CLN8: variants seen among roughly 807,000 people sequenced by gnomAD.
CLN8 encodes CLN8 transmembrane ER and ERGIC protein, also known as protein CLN8.
Under a neutral mutation model 15.7 loss-of-function variants are expected in CLN8, and 14 were observed. The observed-to-expected ratio is 0.89, with a 90% confidence interval of 0.59 to 1.39. The LOEUF is 1.39. CLN8 is among the 40% of genes most tolerant of loss of function. The pLI is 0.00. For missense variants in CLN8, 415 were observed against 364.0 expected, an observed-to-expected ratio of 1.14 and a Z score of -1.14; for synonymous variants, 188 against 151.0, an observed-to-expected ratio of 1.25 and a Z score of -1.80.
intron 1 of CLN8, 95 bp from the exon 2 acceptor site, chr8:1,770,837 A>G (rs147267153): frequency 2.1e-4 from 128 of 605,166 alleles, no homozygotes; most frequent in African/African-American, 1.9e-3. Flanking sequence ...AAGGTACAGA[A>G]TTAAATATTT....
At chr8:1,780,014 G>C (rs1801658998) in intron 2 of CLN8, 1 of 985,360 alleles carries the variant, frequency 1.0e-6, no homozygotes, top group African/African-American at 1.7e-5. Context: ...AGAGGAGCAG[G>C]AAAACAGCAT....
rs868307817 is a variant in CLN8 at position 1,770,438 on chromosome 8, G to T, written c.-123-494G>T. On this transcript the variant is annotated intron_variant, in intron 1 of 2. Coordinates refer to ENST00000331222, the MANE Select transcript of CLN8 (RefSeq NM_018941.4). Reference sequence around the variant, plus strand: ...ACAGTGAGGAGTTCAGGCCTTCCCTGCTGCTGTTGAGAAGGCATTCCATGG... The same window carrying T: ...ACAGTGAGGAGTTCAGGCCTTCCCTTCTGCTGTTGAGAAGGCATTCCATGG... 1.1e-4 allele frequency among the ~76,000 whole-genome samples: 16 copies of T among 152,290 alleles called. No individual in the cohort carries two copies. In the Middle Eastern group the frequency reaches 0.01, roughly 97 times the overall value.
At chr8:1,778,932 A>G (rs1801615105) in intron 2 of CLN8, among the ~76,000 whole-genome samples, 1 of 152,218 alleles carries the variant, frequency 6.6e-6, no homozygotes, top group African/African-American at 2.4e-5. Context: ...ATCATGGTAT[A>G]TAGCCTGGCC....
intron 2 of CLN8, among the ~76,000 whole-genome samples, chr8:1,777,463 C>G (rs999825386): frequency 6.6e-6 from 1 of 152,072 alleles, no homozygotes; most frequent in Non-Finnish European, 1.5e-5. Context: ...ATAAAGTAAC[C>G]TTAACTTACT....
chr8:1,759,213 C>G (rs759679892), upstream of CLN8: 6 of 152,174 alleles, frequency 3.9e-5, no homozygotes, highest in Non-Finnish European at 7.3e-5. Context: ...CCATCACGGT[C>G]TGAACTAGTC....
At position 1,786,361 on chromosome 8, in the gene CLN8, G is replaced by A. The variant is rs1391079062; in HGVS notation, c.*5794G>A. 6.6e-6 allele frequency: 1 copy of A among 152,244 alleles called. No individual in the cohort carries two copies. Among genetic ancestry groups the A allele is most frequent in the Non-Finnish European group, 1.5e-5 (1 of 68,036 alleles). The allele number at this position is 152,244 out of a possible 1,614,324, so 9.4% of individuals were successfully genotyped here. On this transcript the variant is annotated 3_prime_UTR_variant, in exon 3 of 3. Transcript: ENST00000331222. ...ACCCAGACTTTCACGAATGCATGTTGACGCTTTCAGTTCACCCCTTTCTTT... is the reference window on the plus strand; with the variant it reads ...ACCCAGACTTTCACGAATGCATGTTAACGCTTTCAGTTCACCCCTTTCTTT...
At chr8:1,754,816 T>C (rs543110128), upstream of CLN8, among the ~76,000 whole-genome samples, 33 of 152,286 alleles carry the variant, frequency 2.2e-4, no homozygotes, top group African/African-American at 7.7e-4. Flanking sequence ...CAGTGGATAG[T>C]TCACAGCGCA....
chr8:1,774,344 A>T (rs895409198), intron 2 of CLN8, among the ~76,000 whole-genome samples: 3 of 152,270 alleles, frequency 2.0e-5, no homozygotes, highest in Admixed American at 2.0e-4. Flanking sequence ...AGAGAAAATT[A>T]TAACCTAAAT....
In CLN8 at chr8:1,783,961, C is replaced by G. The variant is rs1269719526; in HGVS notation, c.*3394C>G. ...GTTCAGGCAGTATGGGCCGCTGTGACAAAACACCTAAGACTGGGTAGTTTA... is the reference window on the plus strand; with the variant it reads ...GTTCAGGCAGTATGGGCCGCTGTGAGAAAACACCTAAGACTGGGTAGTTTA... On this transcript the variant is annotated 3_prime_UTR_variant, in exon 3 of 3. Coordinates refer to ENST00000331222, the MANE Select transcript of CLN8 (RefSeq NM_018941.4). 6.6e-6 allele frequency: 1 copy of G among 152,200 alleles called. No individual in the cohort carries two copies. Among genetic ancestry groups the G allele is most frequent in the Non-Finnish European group, 1.5e-5 (1 of 68,078 alleles). 9.4% of individuals were successfully genotyped at this position (152,200 alleles called of 1,614,324 possible).
intron 2 of CLN8, among the ~76,000 whole-genome samples, chr8:1,774,614 G>A (rs1013325810): frequency 2.4e-4 from 37 of 152,246 alleles, no homozygotes; most frequent in African/African-American, 8.7e-4. Context: ...AAGCACAGTG[G>A]CTTATTCTTC....
chr8:1,759,859 T>A (rs1409120318), upstream of CLN8: 1 of 152,200 alleles, frequency 6.6e-6, no homozygotes, highest in Non-Finnish European at 1.5e-5. Flanking sequence ...TCACAGACGT[T>A]CTTTTTCGCC....
At chr8:1,762,876 G>A (rs1432996011), upstream of CLN8, 1 of 152,196 alleles carries the variant, frequency 6.6e-6, no homozygotes, top group Non-Finnish European at 1.5e-5. Context: ...GTTCTTTCAA[G>A]GAACGTGTAT....
At chr8:1,774,782 C>T (rs902263201) in intron 2 of CLN8, among the ~76,000 whole-genome samples, 8 of 152,156 alleles carry the variant, frequency 5.3e-5, no homozygotes, top group African/African-American at 4.8e-5. Context: ...CACTTGAGCC[C>T]GGGAGCTCAA....
At chr8:1,775,997 G>GGGCACACGTGTGTGGTGGTGCTCC (rs1476998513) in intron 2 of CLN8, among the ~76,000 whole-genome samples, 1 of 152,168 alleles carries the variant, frequency 6.6e-6, no homozygotes, top group Non-Finnish European at 1.5e-5. Flanking sequence ...AATCTGTGAG[G>GGGCACACGTGTGTGGTGGTGCTCC]GGCACACGTG....
Position 1,781,822 on chromosome 8 carries a change from T to C in CLN8, c.*1255T>C, listed in dbSNP as rs767805326. On this transcript the variant is annotated 3_prime_UTR_variant, in exon 3 of 3. Transcript: ENST00000331222. ...CTCGACTGCAGGGTCCTGGGGTCCCTAGAGTGGTCCTGCAGCAGCCCCTGG... is the reference window on the plus strand; with the variant it reads ...CTCGACTGCAGGGTCCTGGGGTCCCCAGAGTGGTCCTGCAGCAGCCCCTGG... The C allele has an allele frequency of 6.6e-6, 1 of 152,118 alleles. No homozygotes were observed. Among genetic ancestry groups the C allele is most frequent in the Admixed American group, 6.5e-5 (1 of 15,268 alleles). 9.4% of individuals were successfully genotyped at this position (152,118 alleles called of 1,614,324 possible).
intron 1 of CLN8, among the ~76,000 whole-genome samples, chr8:1,770,689 G>C (rs1018048886): frequency 6.6e-6 from 1 of 152,160 alleles, no homozygotes; most frequent in African/African-American, 2.4e-5. Context: ...GCATAGGACC[G>C]TGTGTTCCTG....
intron 1 of CLN8, among the ~76,000 whole-genome samples, chr8:1,769,970 G>A (rs1801233802): frequency 6.6e-6 from 1 of 152,202 alleles, no homozygotes; most frequent in Non-Finnish European, 1.5e-5. Context: ...CTTCACAGCA[G>A]TCCCAATCAG....
intron 2 of CLN8, among the ~76,000 whole-genome samples, chr8:1,777,552 A>T (rs1399796974): frequency 6.6e-6 from 1 of 152,226 alleles, no homozygotes; most frequent in Admixed American, 6.5e-5. Context: ...TAAAACACAA[A>T]TACATTGTGT....
intron 2 of CLN8, among the ~76,000 whole-genome samples, chr8:1,774,329 T>C (rs55991725): frequency 0.072 from 11,011 of 152,334 alleles, 487 homozygotes; most frequent in Non-Finnish European, 0.1. Context: ...CAACAGACCC[T>C]AATAAGAGAA....
Sources: gnomAD v4.1 joint callset for allele counts (sites outside exome capture counted in the v4.1 genomes callset) on GRCh38, gnomAD v4.1.1 for gene constraint, MANE v1.5 for transcripts, NCBI Gene and HGNC (gene_info 2026-07-23, HGNC 2026-07-21) for gene names.